The following ZNF254 variants were observed in gnomAD, a reference collection of about 807,000 sequenced individuals.
ZNF254 encodes CTD-2017D11.1.
In ZNF254, 10 loss-of-function variants were observed where a neutral mutation model predicts 12.4. The ratio of observed to expected loss-of-function variants is 0.80; its 90% CI spans 0.50 to 1.36. The LOEUF (loss-of-function observed/expected upper bound fraction) is 1.36, where lower values mean the gene tolerates loss of function less well. Among genes scored for constraint, ZNF254 ranks in the 40% most tolerant of loss-of-function variants. The probability of loss-of-function intolerance (pLI) is 0.00; values close to 1 mark genes in which losing one functional copy is unlikely to be tolerated. For synonymous variants in ZNF254, 305 were observed against 253.4 expected (o/e 1.20, Z -1.93); for missense variants, 996 against 763.9 (o/e 1.30, Z -3.58).
intron 3 of ZNF254, chr19:24,106,901 G>C: frequency 2.4e-6 from 1 of 416,712 alleles, no homozygotes; most frequent in South Asian, 4.0e-5. Flanking sequence ...GCATACAAAA[G>C]AGTGTACAAT....
chr19:24,107,705 G>T (rs993546072), intron 3 of ZNF254, among the ~76,000 whole-genome samples: 1 of 152,016 alleles, frequency 6.6e-6, no homozygotes, highest in African/African-American at 2.4e-5. Context: ...CATGCTTTCA[G>T]TGCTATGTTA....
chr19:24,044,866 G>T (rs1599578889), intron 1 of ZNF254, among the ~76,000 whole-genome samples: 1 of 152,098 alleles, frequency 6.6e-6, no homozygotes, highest in Non-Finnish European at 1.5e-5. Context: ...TGTGGTCATA[G>T]AATTCTCTCT....
intron 3 of ZNF254, among the ~76,000 whole-genome samples, chr19:24,120,881 C>T (rs1243591719): frequency 6.6e-6 from 1 of 151,954 alleles, no homozygotes; most frequent in African/African-American, 2.4e-5. Flanking sequence ...CCATGTTAAC[C>T]AGGATGGTCT....
rs964458527 is a variant in ZNF254 at position 24,094,683 on chromosome 19, G to GT, written c.30+7356dup. Among the ~76,000 whole-genome samples the GT allele has an allele frequency of 5.2e-3, 767 of 148,328 alleles. 7 individuals carry two copies. Among genetic ancestry groups the GT allele is most frequent in the African/African-American group, 4.5e-3 (183 of 40,530 alleles). On this transcript the variant is annotated intron_variant, in intron 1 of 3. Coordinates refer to ENST00000357002, the MANE Select transcript of ZNF254 (RefSeq NM_203282.4). ...CAGTTTCCAAAGAAGAATGCTTCGG[G>GT]TTTTTTTTTTCTTTTCTTTTTGAGA... is the stretch of plus-strand genomic sequence containing the variant.
intron 2 of ZNF254, among the ~76,000 whole-genome samples, chr19:24,058,391 CTTTTTCTTTCTTTCTTTCTTTCTTT>C (rs1970941865): frequency 9.0e-6 from 1 of 110,834 alleles, no homozygotes. Context: ...TGGGAGTTTT[CTTTTTCTTTCTTTCTTTCTTTCTTT>C]TTTTTTTTTT....
At chr19:24,116,552 C>A (rs1179862907) in intron 3 of ZNF254, among the ~76,000 whole-genome samples, 2 of 152,098 alleles carry the variant, frequency 1.3e-5, no homozygotes, top group Non-Finnish European at 2.9e-5. Flanking sequence ...TCCATCAGCT[C>A]CTTTAAGCAC....
chr19:24,036,633 A>G (rs1969977786), intron 1 of ZNF254, among the ~76,000 whole-genome samples: 1 of 152,166 alleles, frequency 6.6e-6, no homozygotes, highest in Non-Finnish European at 1.5e-5. Flanking sequence ...ATTTGTTGTC[A>G]GAAAAAGAAT....
chr19:24,115,415 T>C (rs1176861900), intron 3 of ZNF254, among the ~76,000 whole-genome samples: 5 of 151,422 alleles, frequency 3.3e-5, no homozygotes, highest in Non-Finnish European at 7.4e-5. Flanking sequence ...CTCAGTAAAC[T>C]ATCGCAAGAA....
chr19:24,120,269 C>T (rs369623171), intron 3 of ZNF254, among the ~76,000 whole-genome samples: 1 of 152,108 alleles, frequency 6.6e-6, no homozygotes, highest in African/African-American at 2.4e-5. Context: ...ATCCCTCCCA[C>T]AACATATGGG....
At position 24,126,767 on chromosome 19, in the gene ZNF254, A is replaced by G. The variant is rs774193889; in HGVS notation, c.767A>G (p.His256Arg). Residue 256 changes from histidine (H) to arginine (R), a missense_variant, in exon 4 of 4, where the codon CAT (histidine) becomes CGT (arginine). His to Arg is a conservative substitution (Grantham distance 29, BLOSUM62 0). Transcript: ENST00000357002. ...AAGCAACTCTCAACCCTTACTACAC[A>G]TGAAATAATTCATGCTGGAGAGAAA... ...SPKQLSTLTT[H>R]EIIHAGEKLY... 8.1e-6 allele frequency: 13 copies of G among 1,613,184 alleles called. No individual in the cohort carries two copies. Among genetic ancestry groups the G allele is most frequent in the South Asian group, 1.1e-5 (1 of 91,004 alleles).
intron 3 of ZNF254, among the ~76,000 whole-genome samples, chr19:24,110,577 A>AG (rs1555767014): frequency 6.6e-6 from 1 of 152,036 alleles, no homozygotes; most frequent in Non-Finnish European, 1.5e-5. Context: ...AAAAAAAAAA[A>AG]GTGTATATTT....
chr19:24,102,081 C>G (rs554957013), intron 1 of ZNF254, among the ~76,000 whole-genome samples: 21 of 152,164 alleles, frequency 1.4e-4, no homozygotes, highest in African/African-American at 4.6e-4. Flanking sequence ...TTAGTCTAGA[C>G]TAGCAACTGG....
chr19:24,121,643 C>T (rs558439778), intron 3 of ZNF254, among the ~76,000 whole-genome samples: 5 of 152,046 alleles, frequency 3.3e-5, no homozygotes, highest in South Asian at 2.1e-4. Flanking sequence ...CTGCAACCTC[C>T]GCCTTCCAGG....
rs192250864 is a variant in ZNF254, at chr19:24,116,628, G to C, written c.254-9626G>C. 2.4e-3 allele frequency among the ~76,000 whole-genome samples: 311 copies of C among 131,338 alleles called. 2 individuals carry two copies. The highest frequency in any genetic ancestry group is 0.01 in the African/African-American group (302 of 28,854). The allele number at this position is 131,338 out of a possible 152,430, so 86.2% of individuals were successfully genotyped here. The stretch of plus-strand genomic sequence containing the variant: ...TTTTTTCAAAGTTTTTAACTTCTTT[G>C]CCTTTGGTTTGAATTTCCTCCTGTA... On this transcript the variant is annotated intron_variant, in intron 3 of 3. Coordinates refer to ENST00000357002, the MANE Select transcript of ZNF254 (RefSeq NM_203282.4).
At chr19:24,091,316 A>G (rs980760190) in intron 1 of ZNF254, among the ~76,000 whole-genome samples, 2 of 55,330 alleles carry the variant, frequency 3.6e-5, no homozygotes, top group African/African-American at 1.7e-4. Context: ...AAAAATAAAG[A>G]AAAAAAAAAA....
At chr19:24,118,004 T>C (rs1439610016) in intron 3 of ZNF254, among the ~76,000 whole-genome samples, 1 of 152,050 alleles carries the variant, frequency 6.6e-6, no homozygotes, top group East Asian at 1.9e-4. Context: ...TAAAATAGTA[T>C]GTGCATCCTT....
chr19:24,121,291 G>C (rs1974464472), intron 3 of ZNF254, among the ~76,000 whole-genome samples: 1 of 151,032 alleles, frequency 6.6e-6, no homozygotes, highest in Non-Finnish European at 1.5e-5. Context: ...TGAATATATT[G>C]ATCTACTTGA....
chr19:24,082,123 CAAA>C (rs1971864958), intron 2 of ZNF254, among the ~76,000 whole-genome samples: 2 of 129,704 alleles, frequency 1.5e-5, no homozygotes, highest in Non-Finnish European at 3.3e-5. Flanking sequence ...AACTCTGCCT[CAAA>C]AGAAAAAAAA....
intron 2 of ZNF254, among the ~76,000 whole-genome samples, chr19:24,073,995 C>T (rs185360276): frequency 1.3e-5 from 2 of 152,310 alleles, no homozygotes; most frequent in Non-Finnish European, 2.9e-5. Context: ...AGACCCAACA[C>T]CTAGGTGGTG....
Sources: gnomAD v4.1 joint callset for allele counts (sites outside exome capture counted in the v4.1 genomes callset) on GRCh38, gnomAD v4.1.1 for gene constraint, MANE v1.5 for transcripts, NCBI Gene and HGNC (gene_info 2026-07-23, HGNC 2026-07-21) for gene names.